Variants in BOP1 observed in about 807,000 individuals in gnomAD.
The protein encoded by BOP1 is ribosome biogenesis protein BOP1.
BOP1 carries 54 observed loss-of-function variants against 82.9 expected under a neutral mutation model. That is an observed-to-expected ratio of 0.65 (90% CI 0.52 to 0.82). The LOEUF is 0.82. Among genes scored for constraint, BOP1 ranks in the 40% least tolerant of loss-of-function variants. The pLI, the probability that BOP1 is intolerant of heterozygous loss-of-function variation, is 0.00. For synonymous variants in BOP1, 566 were observed against 451.1 expected, an observed-to-expected ratio of 1.25 and a Z score of -3.23; for missense variants, 1,170 against 1,072.0, an observed-to-expected ratio of 1.09 and a Z score of -1.28.
At position 144,264,278 on chromosome 8, in the gene BOP1, C is replaced by T; in HGVS notation, c.925G>A (p.Gly309Ser). ...HVPAPKLALP[G>S]HAESYNPPPE... ...GGTGGGTTGTACGACTCGGCGTGGC[C>T]TGGCAGGGCCAGCTTGGGAGCAGGT... Residue 309 changes from glycine to serine, a missense_variant, in exon 7 of 16, where the codon GGC becomes AGC. By Grantham distance (56) the Gly-to-Ser change is moderately conservative (BLOSUM62 0). Transcript: ENST00000569669. 6.2e-7 allele frequency: 1 copy of T among 1,611,170 alleles called. No homozygotes were observed. Among genetic ancestry groups the T allele is most frequent in the Non-Finnish European group, 8.5e-7 (1 of 1,179,570 alleles).
rs1330823380 is a variant in BOP1, at chr8:144,263,137, A to G, written c.1610T>C (p.Val537Ala). The change falls in exon 13 of 16, where the codon GTG (valine) becomes GCG (alanine). Residue 537 changes from valine to alanine, a missense_variant. By Grantham distance (64) the Val-to-Ala change is moderately conservative. Coordinates refer to ENST00000569669, the MANE Select transcript of BOP1 (RefSeq NM_015201.5). ...LRLRICHGKP[V>A]TQVTWHGRGD... ...ACGCCCGTGCCAGGTCACCTGCGTCACTGGCTGCAGGAGAGCAAGGCTGGC... is the reference window on the plus strand; with the variant it reads ...ACGCCCGTGCCAGGTCACCTGCGTCGCTGGCTGCAGGAGAGCAAGGCTGGC... The G allele has an allele frequency of 1.9e-5, 30 of 1,593,604 alleles. No homozygotes were observed. The Admixed American group carries it at 4.2e-4, about 22-fold the overall frequency.
intron 2 of BOP1, among the ~76,000 whole-genome samples, chr8:144,280,358 G>A (rs1255257370): frequency 6.6e-6 from 1 of 152,226 alleles, no homozygotes; most frequent in Non-Finnish European, 1.5e-5. Context: ...CCACAGAGCT[G>A]CAGCTCCAGA....
intron 3 of BOP1, among the ~76,000 whole-genome samples, chr8:144,275,272 A>C (rs1431247010): frequency 1.3e-5 from 2 of 152,134 alleles, no homozygotes; most frequent in Non-Finnish European, 2.9e-5. Context: ...CTCCACTGGG[A>C]CCACAGTCCT....
intron 2 of BOP1, among the ~76,000 whole-genome samples, chr8:144,277,458 G>A (rs1240658098): frequency 1.3e-5 from 2 of 152,218 alleles, no homozygotes; most frequent in Non-Finnish European, 2.9e-5. Context: ...GGCTGCCCCC[G>A]CCTGGCCTCT....
At position 144,266,283 on chromosome 8, in the gene BOP1, A is replaced by G. The variant is rs1361601564; in HGVS notation, c.391-1212T>C. Among the ~76,000 whole-genome samples, 5 of 152,016 alleles carry G rather than the reference A, an allele frequency of 3.3e-5. No homozygotes were observed. In the East Asian group the frequency reaches 5.8e-4, roughly 18 times the overall value. On this transcript the variant is annotated intron_variant, in intron 3 of 15. Coordinates refer to ENST00000569669, the MANE Select transcript of BOP1 (RefSeq NM_015201.5). ...CCTCCGCATCCCCAGAGACGGAACG[A>G]TGCCCCCAAAGACCAGCCCCGCCCC...
intron 2 of BOP1, among the ~76,000 whole-genome samples, chr8:144,277,053 G>C (rs1221778255): frequency 2.6e-5 from 4 of 152,190 alleles, no homozygotes; most frequent in Admixed American, 2.0e-4. Flanking sequence ...AACCGGATCG[G>C]GTTTACTGGC....
chr8:144,265,329 C>G (rs1166788228), intron 3 of BOP1: 11 of 583,448 alleles, frequency 1.9e-5, no homozygotes, highest in African/African-American at 1.7e-4. Flanking sequence ...GTGCCAACCC[C>G]AGAGCTCCCC....
intron 3 of BOP1, among the ~76,000 whole-genome samples, chr8:144,273,123 G>A (rs1028892035): frequency 6.6e-6 from 1 of 152,162 alleles, no homozygotes. Context: ...AGGCCGCGCC[G>A]CCAGCAGCGA....
chr8:144,277,415 C>T (rs887580032), intron 2 of BOP1, among the ~76,000 whole-genome samples: 8 of 152,356 alleles, frequency 5.3e-5, no homozygotes, highest in African/African-American at 9.6e-5. Context: ...GCCCCAGACG[C>T]GCACAAGGGC....
At position 144,289,321 on chromosome 8, in the gene BOP1, G is replaced by C; in HGVS notation, c.100-17C>G. 2.5e-6 allele frequency: 4 copies of C among 1,611,676 alleles called. No individual in the cohort carries two copies. Among genetic ancestry groups the C allele is most frequent in the Non-Finnish European group, 3.4e-6 (4 of 1,179,064 alleles). On this transcript the variant is annotated splice_polypyrimidine_tract_variant and intron_variant, in intron 1 of 15. Coordinates refer to ENST00000569669, the MANE Select transcript of BOP1 (RefSeq NM_015201.5). ...GAGGGGGGGCTGCAAGGAAACACTG[G>C]GTTGGTGACAACTGCCCCTCCAGGC...
chr8:144,281,638 T>TCTTAGGCCTTCTCTTACTTTAATACC lies in BOP1; in HGVS notation c.310-5335_310-5334insGGTATTAAAGTAAGAGAAGGCCTAAG, dbSNP rs1588604855. The TCTTAGGCCTTCTCTTACTTTAATACC allele has an allele frequency of 1.2e-4, 18 of 147,036 alleles. 1 individual carries two copies. In the East Asian group the frequency reaches 3.5e-3, roughly 29 times the overall value. 9.1% of individuals were successfully genotyped at this position (147,036 alleles called of 1,614,324 possible). ...CTTAGGCCTTCTCTTACTTTAATAC[T>TCTTAGGCCTTCTCTTACTTTAATACC]AGGTCTTAGGCCTTCTCTTACTAGT... is the stretch of plus-strand genomic sequence containing the variant. On this transcript the variant is annotated intron_variant, in intron 2 of 15. Coordinates refer to ENST00000569669, the MANE Select transcript of BOP1 (RefSeq NM_015201.5).
At chr8:144,286,394 T>C (rs1331222564) in intron 2 of BOP1, among the ~76,000 whole-genome samples, 55 of 130,516 alleles carry the variant, frequency 4.2e-4, no homozygotes, top group African/African-American at 1.0e-3. Flanking sequence ...GGCAGGTGCA[T>C]GGGCGCCACG....
In BOP1 at chr8:144,262,869, C is replaced by T. The variant is rs1446503946; in HGVS notation, c.1878G>A (p.Leu626=). The T allele has an allele frequency of 2.8e-6, 4 of 1,419,552 alleles. No individual in the cohort carries two copies. Among genetic ancestry groups the T allele is most frequent in the Non-Finnish European group, 3.7e-6 (4 of 1,072,092 alleles). 87.9% of individuals were successfully genotyped at this position (1,419,552 alleles called of 1,614,324 possible). A position where few individuals can be genotyped will look rare whatever the true frequency, so the allele number is the denominator to read the frequency against. ...LMPNCKWVSS[L]AVHPAGDNVI... is the part of the protein sequence containing the mutation. ...ACCCCTCACCTGCAGGGTGCACCGCCAGGCTGGACACCCACTTGCAGTTGG... is the reference window on the plus strand; with the variant it reads ...ACCCCTCACCTGCAGGGTGCACCGCTAGGCTGGACACCCACTTGCAGTTGG... Residue 626 remains leucine (L), a synonymous_variant, in exon 13 of 16, where the codon CTG becomes CTA. Coordinates refer to ENST00000569669, the MANE Select transcript of BOP1 (RefSeq NM_015201.5).
At chr8:144,277,513 G>A (rs1036144596) in intron 2 of BOP1, among the ~76,000 whole-genome samples, 2 of 152,264 alleles carry the variant, frequency 1.3e-5, no homozygotes, top group Non-Finnish European at 2.9e-5. Context: ...ACAGTGGCCG[G>A]GGCTGAAGCA....
At position 144,262,236 on chromosome 8, in the gene BOP1, G is replaced by A. The variant is rs1229638114; in HGVS notation, c.2169C>T (p.Asp723=). 2.0e-5 allele frequency: 32 copies of A among 1,612,556 alleles called. No homozygotes were observed. The highest frequency in any genetic ancestry group is 2.6e-5 in the Non-Finnish European group (31 of 1,179,794). Residue 723 remains aspartate (D), a synonymous_variant, in exon 16 of 16, where the codon GAC becomes GAT. Transcript: ENST00000569669. ...HVLTRDLGVL[D]VIFHPTQPWV... is the part of the protein sequence containing the mutation. Reference sequence around the variant, plus strand: ...ACGGCTGGGTGGGGTGGAAGATGACGTCCAGCACTCCCAGATCTCGGGTCA... The same window carrying A: ...ACGGCTGGGTGGGGTGGAAGATGACATCCAGCACTCCCAGATCTCGGGTCA...
intron 2 of BOP1, among the ~76,000 whole-genome samples, chr8:144,287,577 T>C (rs1814918556): frequency 6.6e-6 from 1 of 152,100 alleles, no homozygotes; most frequent in African/African-American, 2.4e-5. Flanking sequence ...CATAGCTCAC[T>C]GTGACCTGGA....
chr8:144,268,092 TCC>T (rs1845420662), intron 3 of BOP1: 1 of 1,550,394 alleles, frequency 6.4e-7, no homozygotes, highest in South Asian at 1.2e-5. Flanking sequence ...CACTCCTCCC[TCC>T]CCTCTGCAGA....
At chr8:144,266,444 C>T (rs1384057158) in intron 3 of BOP1, 8 of 942,742 alleles carry the variant, frequency 8.5e-6, no homozygotes, top group Non-Finnish European at 1.0e-5. Context: ...CAGCTCGGGG[C>T]CCCGCTCCGG....
chr8:144,281,634 A>AT (rs1845686063), intron 2 of BOP1: 1 of 151,872 alleles, frequency 6.6e-6, no homozygotes. Flanking sequence ...TCTTACTTTA[A>AT]TACTAGGTCT....
Sources: allele counts gnomAD v4.1 joint callset (sites outside exome capture counted in the v4.1 genomes callset), GRCh38; gene constraint gnomAD v4.1.1; transcripts MANE v1.5; gene names NCBI Gene and HGNC (gene_info 2026-07-23, HGNC 2026-07-21).